Variants in DZIP3 observed in about 807,000 individuals in gnomAD.
DZIP3 encodes the protein E3 ubiquitin-protein ligase DZIP3.
Under a neutral mutation model 162.0 loss-of-function variants are expected in DZIP3, and 118 were observed. The ratio of observed to expected loss-of-function variants is 0.73; its 90% CI spans 0.63 to 0.85. The LOEUF (loss-of-function observed/expected upper bound fraction) is 0.85. DZIP3 is among the 40% of genes least tolerant of loss of function. The pLI is 0.00. For synonymous variants in DZIP3, 438 were observed against 458.6 expected (o/e 0.96, Z 0.57); for missense variants, 1,331 against 1,407.0 (o/e 0.95, Z 0.86).
rs777879854 is a variant in DZIP3, at chr3:108,684,341, G to A, written c.3009G>A (p.Leu1003=). The change falls in exon 27 of 33, where the codon CTG becomes CTA. Residue 1003 remains leucine, a splice_region_variant and synonymous_variant. Coordinates refer to ENST00000361582, the MANE Select transcript of DZIP3 (RefSeq NM_014648.4). ...VSATGQPRAP[L]MTGIAWALPA... is the part of the protein sequence containing the mutation. ...CAACTGGCCAACCTAGAGCCCCCCT[G>A]GTAAAAGCTTTCTTGGTGGAATAGA... 7.5e-6 allele frequency: 12 copies of A among 1,605,334 alleles called. No individual in the cohort carries two copies. The Admixed American group carries it at 1.9e-4, about 25-fold the overall frequency.
At chr3:108,611,060 G>A in intron 3 of DZIP3, 114 bp from the exon 4 acceptor site, 1 of 995,722 alleles carries the variant, frequency 1.0e-6, no homozygotes, top group Non-Finnish European at 1.5e-6. Flanking sequence ...TAGAAGCTAG[G>A]AGAACAAGGG....
chr3:108,639,184 T>TAAA (rs1431326255), intron 12 of DZIP3, among the ~76,000 whole-genome samples: 2 of 152,268 alleles, frequency 1.3e-5, no homozygotes, highest in Non-Finnish European at 2.9e-5. Flanking sequence ...TAACGTTTAT[T>TAAA]ACACTTTCTT....
intron 13 of DZIP3, among the ~76,000 whole-genome samples, chr3:108,643,150 A>C (rs1440556042): frequency 6.6e-6 from 1 of 152,190 alleles, no homozygotes; most frequent in African/African-American, 2.4e-5. Context: ...GAAACATAGA[A>C]TCTTGAAGGA....
chr3:108,669,648 A>G, intron 21 of DZIP3, 33 bp from the exon 22 acceptor site: 1 of 1,594,714 alleles, frequency 6.3e-7, no homozygotes. Flanking sequence ...AATAATTTCT[A>G]ACATCTTTTG....
intron 8 of DZIP3, among the ~76,000 whole-genome samples, chr3:108,632,483 C>T (rs1035195754): frequency 2.6e-4 from 39 of 152,298 alleles, no homozygotes; most frequent in African/African-American, 9.1e-4. Flanking sequence ...CTCTACTGTA[C>T]TTTTGCCCAT....
Position 108,633,123 on chromosome 3 carries a change from T to C in DZIP3, c.816+51T>C, listed in dbSNP as rs573633674. 2.2e-4 allele frequency: 192 copies of C among 874,188 alleles called. 2 individuals are homozygous for C. In the East Asian group the frequency reaches 6.0e-3, roughly 27 times the overall value. The allele number at this position is 874,188 out of a possible 1,614,324, so 54.2% of individuals were successfully genotyped here. ...TTTTTAAAAAGTAATTGAAAAATTATATATAACTATATAAAATAATAAAAA... is the reference window on the plus strand; with the variant it reads ...TTTTTAAAAAGTAATTGAAAAATTACATATAACTATATAAAATAATAAAAA... On this transcript the variant is annotated intron_variant, in intron 9 of 32. Transcript: ENST00000361582.
intron 1 of DZIP3, among the ~76,000 whole-genome samples, chr3:108,601,793 G>A (rs1159419811): frequency 2.0e-5 from 3 of 152,082 alleles, no homozygotes; most frequent in Non-Finnish European, 4.4e-5. Flanking sequence ...TCTTCCTCAG[G>A]AAACGACCTT....
chr3:108,666,065 G>T (rs917092846), intron 21 of DZIP3, among the ~76,000 whole-genome samples: 23 of 152,160 alleles, frequency 1.5e-4, no homozygotes, highest in Non-Finnish European at 2.5e-4. Context: ...TAAATAATAA[G>T]AAGTTGTCCT....
In DZIP3 at chr3:108,693,647, A is replaced by T. The variant is rs901708216; in HGVS notation, c.*294A>T. ...GTGTTCCCAGTGTCTTGCCCAGTAG[A>T]TACAAGATAAATATTGCCAGAATCA... On this transcript the variant is annotated 3_prime_UTR_variant, in exon 33 of 33. Coordinates refer to ENST00000361582, the MANE Select transcript of DZIP3 (RefSeq NM_014648.4). 1.3e-5 allele frequency: 2 copies of T among 152,160 alleles called. No homozygotes were observed. Among genetic ancestry groups the T allele is most frequent in the African/African-American group, 4.8e-5 (2 of 41,450 alleles). The allele number at this position is 152,160 out of a possible 1,614,324, so 9.4% of individuals were successfully genotyped here.
Position 108,688,605 on chromosome 3 carries a change from T to C in DZIP3, c.3283T>C (p.Ser1095Pro). ...DPKKSQSQGKSVSNVNCVSPS... is the reference protein window; with the variant it reads ...DPKKSQSQGKPVSNVNCVSPS... Reference sequence around the variant, plus strand: ...TTCTTATTTTCAGAGTCAAGGAAAATCAGTGTCAAATGTTAATTGTGTTTC... The same window carrying C: ...TTCTTATTTTCAGAGTCAAGGAAAACCAGTGTCAAATGTTAATTGTGTTTC... The change falls in exon 30 of 33, where the codon TCA becomes CCA. Residue 1095 changes from serine to proline, a missense_variant. Coordinates refer to ENST00000361582, the MANE Select transcript of DZIP3 (RefSeq NM_014648.4). 1 of 1,610,424 alleles carries C rather than the reference T, an allele frequency of 6.2e-7. No homozygotes were observed. Among genetic ancestry groups the C allele is most frequent in the Non-Finnish European group, 8.5e-7 (1 of 1,179,128 alleles).
chr3:108,632,316 TG>T (rs2107600369), intron 8 of DZIP3, among the ~76,000 whole-genome samples: 1 of 152,250 alleles, frequency 6.6e-6, no homozygotes, highest in African/African-American at 2.4e-5. Context: ...CATAGCTCAC[TG>T]CAGCTTTGAA....
intron 15 of DZIP3, among the ~76,000 whole-genome samples, 173 bp downstream of exon 15, chr3:108,646,822 C>CCTG (rs1942643251): frequency 6.6e-6 from 1 of 152,142 alleles, no homozygotes; most frequent in Admixed American, 6.5e-5. Context: ...GCAGGTGGAT[C>CCTG]ACAAGGTCAG....
chr3:108,636,586 A>AT lies in DZIP3; in HGVS notation c.919-25dup, dbSNP rs760748490. On this transcript the variant is annotated intron_variant, in intron 10 of 32. Coordinates refer to ENST00000361582, the MANE Select transcript of DZIP3 (RefSeq NM_014648.4). ...ATTTGCACATCAGTGATTTTTTTCT[A>AT]TTTTTATTTTTTTCTATTAATAAAT... The AT allele has an allele frequency of 3.5e-5, 50 of 1,413,092 alleles. 1 individual carries two copies. The highest frequency in any genetic ancestry group is 4.6e-5 in the Non-Finnish European group (48 of 1,044,930). 87.5% of individuals were successfully genotyped at this position (1,413,092 alleles called of 1,614,324 possible).
chr3:108,633,120 TTATA>T (rs748954990), intron 9 of DZIP3, 48 bp downstream of exon 9: 4 of 1,003,540 alleles, frequency 4.0e-6, no homozygotes, highest in South Asian at 3.3e-5. Flanking sequence ...AATTGAAAAA[TTATA>T]TATAACTATA....
intron 12 of DZIP3, among the ~76,000 whole-genome samples, chr3:108,641,178 C>G (rs1007381115): frequency 6.6e-6 from 1 of 151,848 alleles, no homozygotes; most frequent in African/African-American, 2.4e-5. Context: ...GTGTAAGAAC[C>G]TTGCAATAAT....
At position 108,694,497 on chromosome 3, in the gene DZIP3, AG is replaced by A. The variant is rs895569920; in HGVS notation, c.*1146del. On this transcript the variant is annotated 3_prime_UTR_variant, in exon 33 of 33. Coordinates refer to ENST00000361582, the MANE Select transcript of DZIP3 (RefSeq NM_014648.4). ...CTCACAATCATGGTGGAAGGCAAAG[AG>A]GAGCAAGTCACATCTTACATGGATG... The A allele has an allele frequency of 1.3e-5, 2 of 157,726 alleles. No individual in the cohort carries two copies. The highest frequency in any genetic ancestry group is 4.8e-5 in the African/African-American group (2 of 41,558). 9.8% of individuals were successfully genotyped at this position (157,726 alleles called of 1,614,324 possible).
intron 12 of DZIP3, among the ~76,000 whole-genome samples, chr3:108,640,308 G>T (rs1309101510): frequency 7.4e-6 from 1 of 135,752 alleles, no homozygotes; most frequent in African/African-American, 2.9e-5. Context: ...GAATGTTGAA[G>T]TATACTATTC....
At chr3:108,622,431 T>C (rs980596861) in intron 5 of DZIP3, among the ~76,000 whole-genome samples, 10 of 152,230 alleles carry the variant, frequency 6.6e-5, no homozygotes, top group African/African-American at 2.2e-4. Context: ...GAAGTTTGTG[T>C]CTGAAAGGTC....
intron 1 of DZIP3, among the ~76,000 whole-genome samples, chr3:108,596,038 G>A (rs190117267): frequency 3.1e-4 from 47 of 152,268 alleles, no homozygotes; most frequent in African/African-American, 1.0e-3. Context: ...GTAAGTATTA[G>A]GGAGTGAAAA....
Sources: allele counts gnomAD v4.1 joint callset (sites outside exome capture counted in the v4.1 genomes callset), GRCh38; gene constraint gnomAD v4.1.1; transcripts MANE v1.5; gene names NCBI Gene and HGNC (gene_info 2026-07-23, HGNC 2026-07-21).